SORCS2: variants seen among roughly 807,000 people sequenced by gnomAD.
The protein encoded by SORCS2 is sortilin related VPS10 domain containing receptor 2.
In SORCS2, 100 loss-of-function variants were observed where a neutral mutation model predicts 141.6. That is an observed-to-expected ratio of 0.71 (90% CI 0.60 to 0.83). The LOEUF is 0.83. SORCS2 is among the 40% of genes least tolerant of loss of function. The pLI is 0.00. For missense variants in SORCS2, 1,646 were observed against 1,560.2 expected (o/e 1.05, Z -0.93); for synonymous variants, 789 against 676.9 (o/e 1.17, Z -2.57).
intron 2 of SORCS2, among the ~76,000 whole-genome samples, chr4:7,530,829 A>G (rs1056284748): frequency 2.0e-5 from 3 of 152,234 alleles, no homozygotes; most frequent in African/African-American, 7.2e-5. Context: ...TCACTTGGCC[A>G]GGAGGGCCTT....
At chr4:7,439,412 G>A (rs1727513135) in intron 2 of SORCS2, among the ~76,000 whole-genome samples, 1 of 152,092 alleles carries the variant, frequency 6.6e-6, no homozygotes, top group African/African-American at 2.4e-5. Flanking sequence ...ACTGTGAAAT[G>A]CAAACCCTGC....
At chr4:7,736,971 A>G in intron 25 of SORCS2, 98 bp from the exon 26 acceptor site, 1 of 1,468,366 alleles carries the variant, frequency 6.8e-7, no homozygotes, top group Non-Finnish European at 9.2e-7. Flanking sequence ...GGCACCGTGC[A>G]CCACACTCGG....
intron 1 of SORCS2, among the ~76,000 whole-genome samples, chr4:7,340,787 C>T (rs919623054): frequency 2.0e-5 from 3 of 152,158 alleles, no homozygotes; most frequent in African/African-American, 7.2e-5. Context: ...AGTGACGCCC[C>T]CTATTCCCAT....
intron 21 of SORCS2, among the ~76,000 whole-genome samples, chr4:7,727,678 A>G (rs1417162831): frequency 6.6e-6 from 1 of 152,122 alleles, no homozygotes; most frequent in Non-Finnish European, 1.5e-5. Context: ...TCATTGTAAG[A>G]TGTTGGGTTT....
chr4:7,474,896 C>T (rs1420596145), intron 2 of SORCS2, among the ~76,000 whole-genome samples: 1 of 152,176 alleles, frequency 6.6e-6, no homozygotes, highest in East Asian at 1.9e-4. Context: ...CTGGCTGTCC[C>T]ACCTCCTGGT....
At chr4:7,630,100 C>G (rs975158712) in intron 3 of SORCS2, among the ~76,000 whole-genome samples, 1 of 152,178 alleles carries the variant, frequency 6.6e-6, no homozygotes, top group Non-Finnish European at 1.5e-5. Context: ...ACCCTGCAGG[C>G]AGTCAGAAGT....
chr4:7,529,749 T>G (rs76222237), intron 2 of SORCS2, among the ~76,000 whole-genome samples: 4,390 of 152,306 alleles, frequency 0.029, 213 homozygotes, highest in African/African-American at 0.1. Context: ...ATCGATCCTC[T>G]GCTAATGGGC....
chr4:7,570,274 G>A (rs1434744581), intron 3 of SORCS2, among the ~76,000 whole-genome samples: 1 of 152,132 alleles, frequency 6.6e-6, no homozygotes, highest in Non-Finnish European at 1.5e-5. Flanking sequence ...CCAGGCACAG[G>A]CAGGCCGCTG....
At chr4:7,676,320 C>A in intron 9 of SORCS2, 91 bp downstream of exon 9, 1 of 1,377,004 alleles carries the variant, frequency 7.3e-7, no homozygotes, top group Non-Finnish European at 9.9e-7. Flanking sequence ...TCCCCTCCCG[C>A]CTGTCTATAT....
chr4:7,215,523 C>T lies in SORCS2; in HGVS notation c.480+22397C>T, dbSNP rs113976966. On this transcript the variant is annotated intron_variant, in intron 1 of 26. Coordinates refer to ENST00000507866, the MANE Select transcript of SORCS2 (RefSeq NM_020777.3). The stretch of plus-strand genomic sequence containing the variant: ...AGGGCTGAGGAGTGCGAGTGCATGG[C>T]GCCGGACTGGCAGGCAGCTCCACCT... Among the ~76,000 whole-genome samples the T allele has an allele frequency of 8.4e-3, 1,284 of 152,376 alleles. 18 individuals carry two copies. Among genetic ancestry groups the T allele is most frequent in the African/African-American group, 0.029 (1,210 of 41,588 alleles).
intron 5 of SORCS2, among the ~76,000 whole-genome samples, chr4:7,660,841 A>G (rs1159350485): frequency 6.6e-6 from 1 of 152,132 alleles, no homozygotes; most frequent in Non-Finnish European, 1.5e-5. Context: ...TCGCCACCTC[A>G]CGAAAGGATT....
intron 2 of SORCS2, among the ~76,000 whole-genome samples, chr4:7,417,281 G>C (rs1004874420): frequency 6.6e-6 from 1 of 152,188 alleles, no homozygotes; most frequent in Non-Finnish European, 1.5e-5. Flanking sequence ...TGGAGTGGCT[G>C]AGAGATGGCA....
intron 1 of SORCS2, among the ~76,000 whole-genome samples, chr4:7,371,702 A>G (rs1722259221): frequency 6.6e-6 from 1 of 152,200 alleles, no homozygotes; most frequent in Admixed American, 6.5e-5. Flanking sequence ...GAGCTGCCGC[A>G]TAGCCACCTA....
chr4:7,284,116 G>T (rs1716058832), intron 1 of SORCS2, among the ~76,000 whole-genome samples: 1 of 152,150 alleles, frequency 6.6e-6, no homozygotes, highest in South Asian at 2.1e-4. Flanking sequence ...GGGAACCTGT[G>T]AACACCCACA....
At chr4:7,297,641 A>C (rs1174629740) in intron 1 of SORCS2, among the ~76,000 whole-genome samples, 1 of 152,178 alleles carries the variant, frequency 6.6e-6, no homozygotes, top group Admixed American at 6.5e-5. Context: ...CCTCGTCTGA[A>C]GTTTCTATAA....
At chr4:7,255,035 G>A (rs1192699440) in intron 1 of SORCS2, among the ~76,000 whole-genome samples, 2 of 152,098 alleles carry the variant, frequency 1.3e-5, no homozygotes, top group African/African-American at 2.4e-5. Flanking sequence ...GTGAGCATGA[G>A]TGTGTGAGAG....
chr4:7,725,055 G>A (rs926493553), intron 19 of SORCS2, 99 bp from the exon 20 acceptor site: 3 of 1,310,528 alleles, frequency 2.3e-6, no homozygotes, highest in Admixed American at 1.9e-5. Flanking sequence ...TGGTGGTGAT[G>A]ATAGCAATGA....
intron 2 of SORCS2, among the ~76,000 whole-genome samples, chr4:7,505,386 A>G (rs1236271226): frequency 2.0e-5 from 3 of 152,058 alleles, no homozygotes; most frequent in Admixed American, 2.0e-4. Flanking sequence ...AGAACAGCTC[A>G]GGAGAGCTCC....
intron 2 of SORCS2, among the ~76,000 whole-genome samples, chr4:7,530,818 C>A (rs1711572828): frequency 1.3e-5 from 2 of 152,232 alleles, no homozygotes; most frequent in South Asian, 4.1e-4. Context: ...CTCTCAGATT[C>A]TCACTTGGCC....
Sources: allele counts gnomAD v4.1 joint callset (sites outside exome capture counted in the v4.1 genomes callset), GRCh38; gene constraint gnomAD v4.1.1; transcripts MANE v1.5; gene names NCBI Gene and HGNC (gene_info 2026-07-23, HGNC 2026-07-21).